The following LRRC27 variants were observed in gnomAD, a reference collection of about 807,000 sequenced individuals.
LRRC27 encodes leucine rich repeat containing 27, also known as leucine-rich repeat-containing protein 27.
LRRC27 carries 57 observed loss-of-function variants against 55.0 expected under a neutral mutation model. The observed-to-expected ratio is 1.04, with a 90% confidence interval of 0.84 to 1.29. LRRC27 has a LOEUF of 1.29. Ranked by LOEUF, LRRC27 falls within the 50% of genes most tolerant of loss-of-function variation. The pLI, the probability that LRRC27 is intolerant of heterozygous loss-of-function variation, is 0.00. For synonymous variants in LRRC27, 278 were observed against 251.9 expected (o/e 1.10, Z -0.98); for missense variants, 721 against 651.5 (o/e 1.11, Z -1.16).
intron 9 of LRRC27, among the ~76,000 whole-genome samples, chr10:132,364,728 ACACTTACATCTACC>A (rs1462652424): frequency 5.8e-4 from 4 of 6,940 alleles, no homozygotes; most frequent in Non-Finnish European, 1.3e-3. Flanking sequence ...GTCCGCGTCC[ACACTTACATCTACC>A]TCCACGCCCA....
intron 9 of LRRC27, among the ~76,000 whole-genome samples, chr10:132,364,463 A>ACG (rs2068862710): frequency 7.6e-6 from 1 of 132,076 alleles, no homozygotes; most frequent in African/African-American, 3.0e-5. Context: ...ACTCACACCC[A>ACG]CCCACACTTA....
chr10:132,359,649 C>G (rs1305415297), intron 8 of LRRC27, among the ~76,000 whole-genome samples: 1 of 152,268 alleles, frequency 6.6e-6, no homozygotes, highest in Non-Finnish European at 1.5e-5. Flanking sequence ...TGGTCACACC[C>G]CAAGTACATT....
Position 132,344,603 on chromosome 10 carries a change from G to C in LRRC27, c.506G>C (p.Arg169Pro), listed in dbSNP as rs773362023. 3 of 1,614,102 alleles carry C rather than the reference G, an allele frequency of 1.9e-6. No individual in the cohort carries two copies. The highest frequency in any genetic ancestry group is 2.5e-6 in the Non-Finnish European group (3 of 1,180,004). Residue 169 changes from arginine (R) to proline (P), a missense_variant, in exon 5 of 11, where the codon CGG becomes CCG. Physicochemically the swap from Arg to Pro is moderately radical, Grantham distance 103. Coordinates refer to ENST00000368614, the MANE Select transcript of LRRC27 (RefSeq NM_030626.3). ...KGLVAIQRFL[R>P]MWAVEHSLPR... The stretch of plus-strand genomic sequence containing the variant: ...TTGGTGGCTATCCAGCGCTTCCTGC[G>C]GATGTGGGCAGTAGAACACTCTCTC...
chr10:132,340,425 T>C (rs1333423200), intron 3 of LRRC27, among the ~76,000 whole-genome samples: 1 of 152,164 alleles, frequency 6.6e-6, no homozygotes, highest in African/African-American at 2.4e-5. Context: ...GGCCAGAACC[T>C]TTCTGCCTTG....
At chr10:132,342,131 A>C (rs1288792717) in intron 3 of LRRC27, 82 bp from the exon 4 acceptor site, 3 of 872,980 alleles carry the variant, frequency 3.4e-6, no homozygotes, top group Non-Finnish European at 5.2e-6. Context: ...GAGAAGAAAA[A>C]TGAAGAAACT....
chr10:132,370,622 A>C (rs1256425178), intron 10 of LRRC27, among the ~76,000 whole-genome samples: 1 of 151,864 alleles, frequency 6.6e-6, no homozygotes, highest in Non-Finnish European at 1.5e-5. Context: ...CGGGTGGGCC[A>C]GGGGAGAGGG....
rs1174828660 is a variant in LRRC27 at position 132,372,015 on chromosome 10, G to A, written c.1417-3051G>A. 6.6e-6 allele frequency among the ~76,000 whole-genome samples: 1 copy of A among 152,256 alleles called. No individual in the cohort carries two copies. The highest frequency in any genetic ancestry group is 1.5e-5 in the Non-Finnish European group (1 of 68,050). On this transcript the variant is annotated intron_variant, in intron 10 of 10. Coordinates refer to ENST00000368614, the MANE Select transcript of LRRC27 (RefSeq NM_030626.3). This position sits in a 1 kb window ranked among gnomAD's most constrained non-coding sequence, Gnocchi z 4.0. ...AGCCCCCTAGTGGTGCAGCATGAAG[G>A]GCCTGCCCAGCAAAATGCCAGCAAA...
intron 8 of LRRC27, among the ~76,000 whole-genome samples, chr10:132,358,380 G>C (rs1214647951): frequency 1.4e-5 from 1 of 70,586 alleles, no homozygotes; most frequent in East Asian, 4.8e-4. Context: ...AGGAGCCGAG[G>C]TGATGGAGCA....
At chr10:132,331,870 TGCGCAGGCGCACCACCCCCTGCCACCCCC>T (rs2066772977), upstream of LRRC27, 5 of 1,299,320 alleles carry the variant, frequency 3.8e-6, no homozygotes, top group Non-Finnish European at 4.2e-6. Context: ...GCCGCGTGCG[TGCGCAGGCGCACCACCCCCTGCCACCCCC>T]GCGCAGGCGC....
chr10:132,370,776 AC>A (rs2069193912), intron 10 of LRRC27, among the ~76,000 whole-genome samples: 2 of 152,104 alleles, frequency 1.3e-5, no homozygotes, highest in Admixed American at 6.5e-5. Context: ...ATTTCAAATG[AC>A]CCTCCCTTTT....
intron 8 of LRRC27, 108 bp from the exon 9 acceptor site, chr10:132,361,349 C>G: frequency 1.0e-6 from 1 of 960,390 alleles, no homozygotes; most frequent in Middle Eastern, 2.1e-4. Flanking sequence ...CGGCCTCGGA[C>G]CCACCTCTTC....
Position 132,344,600 on chromosome 10 carries a change from T to G in LRRC27, c.503T>G (p.Leu168Arg). 2 of 1,614,216 alleles carry G rather than the reference T, an allele frequency of 1.2e-6. No homozygotes were observed. The highest frequency in any genetic ancestry group is 8.5e-7 in the Non-Finnish European group (1 of 1,180,032). The part of the protein sequence containing the change: ...QKGLVAIQRF[L>R]RMWAVEHSLP... ...GGATTGGTGGCTATCCAGCGCTTCCTGCGGATGTGGGCAGTAGAACACTCT... is the reference window on the plus strand; with the variant it reads ...GGATTGGTGGCTATCCAGCGCTTCCGGCGGATGTGGGCAGTAGAACACTCT... The change falls in exon 5 of 11, where the codon CTG becomes CGG. Residue 168 changes from leucine (L) to arginine (R), a missense_variant. By Grantham distance (102) the Leu-to-Arg change is moderately radical (BLOSUM62 -2). Coordinates refer to ENST00000368614, the MANE Select transcript of LRRC27 (RefSeq NM_030626.3).
chr10:132,363,357 T>G (rs1405578679), intron 9 of LRRC27, among the ~76,000 whole-genome samples: 1 of 152,192 alleles, frequency 6.6e-6, no homozygotes, highest in Non-Finnish European at 1.5e-5. Context: ...GCTGGGTTAG[T>G]GGCTGCACCC....
chr10:132,349,117 T>A (rs1213748666), intron 6 of LRRC27: 5 of 1,145,782 alleles, frequency 4.4e-6, no homozygotes, highest in Non-Finnish European at 6.5e-6. Flanking sequence ...TGTGTGTGTG[T>A]AAACATCTAG....
rs2069385994 is a variant in LRRC27 at position 132,379,601 on chromosome 10, T to C, written c.*4359T>C. The C allele has an allele frequency of 6.6e-6, 1 of 152,200 alleles. No individual in the cohort carries two copies. Among genetic ancestry groups the C allele is most frequent in the African/African-American group, 2.4e-5 (1 of 41,454 alleles). 9.4% of individuals were successfully genotyped at this position (152,200 alleles called of 1,614,324 possible). ...TTTTTTAATAAGTGTTTTCTTTCAGTTTTAAATTTCAGATGTTGTGTTTTT... is the reference window on the plus strand; with the variant it reads ...TTTTTTAATAAGTGTTTTCTTTCAGCTTTAAATTTCAGATGTTGTGTTTTT... On this transcript the variant is annotated 3_prime_UTR_variant, in exon 11 of 11. Transcript: ENST00000368614.
chr10:132,350,702 C>T (rs1214372363), intron 6 of LRRC27: 1 of 152,468 alleles, frequency 6.6e-6, no homozygotes, highest in Non-Finnish European at 1.5e-5. Context: ...TGGTGTGAGG[C>T]TTTGCACAGG....
chr10:132,356,358 T>C (rs1419454644), intron 8 of LRRC27, among the ~76,000 whole-genome samples: 1 of 152,206 alleles, frequency 6.6e-6, no homozygotes, highest in Non-Finnish European at 1.5e-5. Context: ...GAAGCCAAGA[T>C]TGCCAGCTCT....
Position 132,348,127 on chromosome 10 carries a change from C to A in LRRC27, c.697C>A (p.Pro233Thr), listed in dbSNP as rs764893188. ...AVMKEKASFL[P>T]PVEKPDLSEL... ...GATGAAAGAGAAGGCCAGCTTTCTC[C>A]CACCTGTGGAAAAGCCAGACCTGAG... The change falls in exon 6 of 11, where the codon CCA becomes ACA. Residue 233 changes from proline (P) to threonine (T), a missense_variant. Transcript: ENST00000368614. The surrounding 1 kb of genome is among the most constrained non-coding windows in gnomAD (Gnocchi z 4.2). 2 of 1,613,938 alleles carry A rather than the reference C, an allele frequency of 1.2e-6. No individual in the cohort carries two copies. Among genetic ancestry groups the A allele is most frequent in the African/African-American group, 2.7e-5 (2 of 74,910 alleles).
chr10:132,353,222 G>A, intron 7 of LRRC27: 1 of 1,329,968 alleles, frequency 7.5e-7, no homozygotes, highest in Non-Finnish European at 9.7e-7. Context: ...TTCTTTGTGA[G>A]CTGCCTGGAG....
Sources: gnomAD v4.1 joint callset for allele counts (sites outside exome capture counted in the v4.1 genomes callset) on GRCh38, gnomAD v4.1.1 for gene constraint, Gnocchi (gnomAD v3.1) non-coding constraint, MANE v1.5 for transcripts, NCBI Gene and HGNC (gene_info 2026-07-23, HGNC 2026-07-21) for gene names.